Variants in POC5 observed in about 807,000 individuals in gnomAD.
POC5 encodes POC5 centriolar protein, also known as centrosomal protein POC5.
In POC5, 48 loss-of-function variants were observed where a neutral mutation model predicts 62.9. The observed-to-expected ratio is 0.76, with a 90% CI of 0.61 to 0.97. The LOEUF (loss-of-function observed/expected upper bound fraction) is 0.97, where lower values mean the gene tolerates loss of function less well. POC5 is among the 50% of genes least tolerant of loss of function. The pLI is 0.00. For missense variants in POC5, 696 were observed against 679.5 expected (o/e 1.02, Z -0.27); for synonymous variants, 236 against 228.2 (o/e 1.03, Z -0.31).
At chr5:75,676,046 T>C (rs930811465) in intron 11 of POC5, among the ~76,000 whole-genome samples, 2 of 152,204 alleles carry the variant, frequency 1.3e-5, no homozygotes, top group Non-Finnish European at 2.9e-5. Context: ...GAAATGCACA[T>C]ACTGAATAAA....
At chr5:75,693,943 G>T (rs1323151350) in intron 6 of POC5, among the ~76,000 whole-genome samples, 2 of 152,138 alleles carry the variant, frequency 1.3e-5, no homozygotes, top group East Asian at 1.9e-4. Flanking sequence ...TGAAATAAAA[G>T]ATGTTTTCTG....
intron 11 of POC5, among the ~76,000 whole-genome samples, chr5:75,676,251 T>C (rs902480703): frequency 3.3e-5 from 5 of 152,258 alleles, no homozygotes; most frequent in Non-Finnish European, 7.3e-5. Context: ...TCTCTATACA[T>C]TTTCTACATC....
rs763498069 is a variant in POC5 at position 75,705,713 on chromosome 5, T to C, written c.298A>G (p.Lys100Glu). The stretch of plus-strand genomic sequence containing the variant: ...TAAAGAAAAATCATACCATCTGTCT[T>C]TGAATGACTTGAAATATGGAAATCA... The part of the protein sequence containing the change: ...GCDFHISSHS[K>E]TDESSPVLSP... Residue 100 changes from lysine to glutamate, a missense_variant, in exon 4 of 12, where the codon AAG becomes GAG. By Grantham distance (56) the Lys-to-Glu change is moderately conservative (BLOSUM62 1). Transcript: ENST00000428202. 2.0e-6 allele frequency: 3 copies of C among 1,535,766 alleles called. No homozygotes were observed. The highest frequency in any genetic ancestry group is 2.6e-6 in the Non-Finnish European group (3 of 1,139,524).
intron 2 of POC5, among the ~76,000 whole-genome samples, chr5:75,711,601 A>G (rs1206444577): frequency 6.6e-6 from 1 of 152,072 alleles, no homozygotes; most frequent in Non-Finnish European, 1.5e-5. Context: ...TTTTGTATTT[A>G]TATTTTGAAG....
chr5:75,714,273 T>C (rs190558665), intron 1 of POC5, among the ~76,000 whole-genome samples: 91 of 152,132 alleles, frequency 6.0e-4, no homozygotes, highest in African/African-American at 2.1e-3. Context: ...TCCCAGCTAC[T>C]TGGGAGGCTG....
chr5:75,674,852 C>A (rs1051030141), intron 11 of POC5, among the ~76,000 whole-genome samples: 2 of 152,228 alleles, frequency 1.3e-5, no homozygotes, highest in East Asian at 1.9e-4. Context: ...ATTCCTCCAA[C>A]AGGGCCAAGT....
In POC5 at chr5:75,702,816, TAAAAG is replaced by T; in HGVS notation, c.308-11_308-7del. ...CGATAACACTGGTGATGACTCTGAATAAAAGAAAAGTTGTAGCTGTCAAGCCAAAT... is the reference window on the plus strand; with the variant it reads ...CGATAACACTGGTGATGACTCTGAATAAAAGTTGTAGCTGTCAAGCCAAAT... On this transcript the variant is annotated splice_region_variant and splice_polypyrimidine_tract_variant and intron_variant, in intron 4 of 11. Transcript: ENST00000428202. The T allele has an allele frequency of 6.4e-7, 1 of 1,554,168 alleles. No individual in the cohort carries two copies.
At chr5:75,710,559 A>G (rs72633985) in intron 2 of POC5, among the ~76,000 whole-genome samples, 26,006 of 152,196 alleles carry the variant, frequency 0.17, 2,411 homozygotes, top group South Asian at 0.21. Context: ...AAGGCCATGC[A>G]AAGATACAGC....
intron 10 of POC5, among the ~76,000 whole-genome samples, chr5:75,680,232 T>C (rs1451110384): frequency 1.3e-5 from 2 of 152,150 alleles, no homozygotes; most frequent in African/African-American, 4.8e-5. Flanking sequence ...CAATTGAGTT[T>C]GTAACTTTCC....
At chr5:75,703,630 CA>C (rs1776993972) in intron 4 of POC5, among the ~76,000 whole-genome samples, 1 of 151,664 alleles carries the variant, frequency 6.6e-6, no homozygotes, top group Admixed American at 6.6e-5. Context: ...TCTCCAAAAA[CA>C]AAAACAAACA....
At chr5:75,684,312 A>G (rs997806417) in intron 10 of POC5, among the ~76,000 whole-genome samples, 23 of 137,026 alleles carry the variant, frequency 1.7e-4, no homozygotes, top group African/African-American at 6.4e-4. Flanking sequence ...TGTTCTTCAA[A>G]CATAGTCTGT....
Position 75,702,601 on chromosome 5 carries a change from G to T in POC5, c.513+4C>A. The T allele has an allele frequency of 6.2e-7, 1 of 1,610,032 alleles. No individual in the cohort carries two copies. ...ACTGTAATTGAAGAACTGCTGTACC[G>T]TACCTTAAGACCTGAACTCCAAAGA... is the stretch of plus-strand genomic sequence containing the variant. On this transcript the variant is annotated splice_donor_region_variant and intron_variant, in intron 5 of 11. Coordinates refer to ENST00000428202, the MANE Select transcript of POC5 (RefSeq NM_001099271.2).
chr5:75,702,634 C>T lies in POC5; in HGVS notation c.484G>A (p.Val162Met), dbSNP rs753296560. ...AGACCTGAACTCCAAAGATCAAGCA[C>T]ATTTTCCATCTTCTGAAGGTTTTCA... ...SDENLQKMENVLDLWSSGLKT... is the reference protein window; with the variant it reads ...SDENLQKMENMLDLWSSGLKT... Residue 162 changes from valine to methionine, a missense_variant, in exon 5 of 12, where the codon GTG becomes ATG. Val to Met is a conservative substitution (Grantham distance 21). Coordinates refer to ENST00000428202, the MANE Select transcript of POC5 (RefSeq NM_001099271.2). The T allele has an allele frequency of 5.0e-6, 8 of 1,613,354 alleles. No individual in the cohort carries two copies. The highest frequency in any genetic ancestry group is 6.8e-6 in the Non-Finnish European group (8 of 1,179,656).
At chr5:75,702,862 T>G in intron 4 of POC5, 52 bp from the exon 5 acceptor site, 1 of 1,415,010 alleles carries the variant, frequency 7.1e-7, no homozygotes, top group Non-Finnish European at 9.7e-7. Flanking sequence ...ATAACTCAAG[T>G]TGGTAAGGAA....
intron 2 of POC5, among the ~76,000 whole-genome samples, chr5:75,711,695 T>TTGAC (rs1777350547): frequency 6.6e-6 from 1 of 152,166 alleles, no homozygotes; most frequent in African/African-American, 2.4e-5. Context: ...CAAGAACCAG[T>TTGAC]AGGAACATTA....
At chr5:75,682,462 AAAAC>A (rs1775902952) in intron 10 of POC5, among the ~76,000 whole-genome samples, 2 of 152,190 alleles carry the variant, frequency 1.3e-5, no homozygotes, top group Non-Finnish European at 2.9e-5. Flanking sequence ...GTAATCATGG[AAAAC>A]AAACACAGCT....
chr5:75,711,885 T>C (rs1777358375), intron 2 of POC5, among the ~76,000 whole-genome samples: 2 of 152,222 alleles, frequency 1.3e-5, no homozygotes, highest in African/African-American at 2.4e-5. Flanking sequence ...GGTGTTTACA[T>C]TTTAGTATAA....
At chr5:75,694,248 G>A (rs1776463492) in intron 6 of POC5, among the ~76,000 whole-genome samples, 1 of 152,136 alleles carries the variant, frequency 6.6e-6, no homozygotes, top group South Asian at 2.1e-4. Flanking sequence ...GGTTTAAAAT[G>A]TAGATAATGC....
intron 2 of POC5, chr5:75,712,400 C>G (rs200068418): frequency 6.2e-7 from 1 of 1,612,092 alleles, no homozygotes; most frequent in Non-Finnish European, 8.5e-7. Context: ...CTGTCAATGT[C>G]CAGGTCCTGG....
Sources: gnomAD v4.1 joint callset for allele counts (sites outside exome capture counted in the v4.1 genomes callset) on GRCh38, gnomAD v4.1.1 for gene constraint, MANE v1.5 for transcripts, NCBI Gene and HGNC (gene_info 2026-07-23, HGNC 2026-07-21) for gene names.